Variants in GRIK4 observed in about 807,000 individuals in gnomAD.
GRIK4 encodes glutamate ionotropic receptor kainate type subunit 4.
GRIK4 carries 40 observed loss-of-function variants against 104.9 expected under a neutral mutation model. That is an observed-to-expected ratio of 0.38 (90% CI 0.30 to 0.50). GRIK4 has a LOEUF of 0.50. GRIK4 is among the 20% of genes least tolerant of loss of function. The probability of loss-of-function intolerance (pLI) is 0.93; values close to 1 mark genes in which losing one functional copy is unlikely to be tolerated. For missense variants in GRIK4, 1,047 were observed against 1,308.1 expected, an observed-to-expected ratio of 0.80 and a Z score of 3.08; for synonymous variants, 485 against 524.9, an observed-to-expected ratio of 0.92 and a Z score of 1.04.
At chr11:120,737,464 A>G (rs964621639) in intron 3 of GRIK4, among the ~76,000 whole-genome samples, 1 of 152,244 alleles carries the variant, frequency 6.6e-6, no homozygotes, top group African/African-American at 2.4e-5. Flanking sequence ...CTCAGAATCC[A>G]GCTGTCAATT....
At chr11:120,516,711 G>A (rs1947730035) in intron 1 of GRIK4, among the ~76,000 whole-genome samples, 1 of 152,162 alleles carries the variant, frequency 6.6e-6, no homozygotes, top group African/African-American at 2.4e-5. Flanking sequence ...AGAGCGCGCT[G>A]ACAGATTGGA....
intron 9 of GRIK4, among the ~76,000 whole-genome samples, chr11:120,863,724 C>G (rs951618227): frequency 6.6e-6 from 1 of 152,220 alleles, no homozygotes; most frequent in Non-Finnish European, 1.5e-5. Flanking sequence ...ATCTAGACAT[C>G]TATACACTTG....
rs144161600 is a variant in GRIK4, at chr11:120,807,293, T to G, written c.247+4436T>G. ...TTAGAGCTTAACTAAGCACCACCCT[T>G]TACCATTCAAACAACCTGAGGCTCC... On this transcript the variant is annotated intron_variant, in intron 4 of 20. Coordinates refer to ENST00000527524, the MANE Select transcript of GRIK4 (RefSeq NM_014619.5). Among the ~76,000 whole-genome samples, 319 of 152,222 alleles carry G rather than the reference T, an allele frequency of 2.1e-3. 1 individual carries two copies. Among genetic ancestry groups the G allele is most frequent in the African/African-American group, 7.4e-3 (308 of 41,512 alleles).
intron 13 of GRIK4, among the ~76,000 whole-genome samples, chr11:120,926,667 C>A (rs1943351941): frequency 6.6e-6 from 1 of 152,178 alleles, no homozygotes; most frequent in Non-Finnish European, 1.5e-5. Flanking sequence ...GTTAACTGAG[C>A]TCCTCTTTCT....
At chr11:120,984,618 T>C (rs554347042) in intron 20 of GRIK4, among the ~76,000 whole-genome samples, 3 of 151,816 alleles carry the variant, frequency 2.0e-5, no homozygotes, top group Non-Finnish European at 4.4e-5. Context: ...AAATACAAAA[T>C]TTAGCCGGGT....
intron 6 of GRIK4, among the ~76,000 whole-genome samples, chr11:120,820,783 C>A (rs966015377): frequency 5.3e-5 from 8 of 152,206 alleles, no homozygotes; most frequent in Non-Finnish European, 7.4e-5. Context: ...CCTTCTCAAG[C>A]CCTTCCTGCA....
At chr11:120,879,803 C>T (rs769114482) in intron 11 of GRIK4, among the ~76,000 whole-genome samples, 1 of 152,216 alleles carries the variant, frequency 6.6e-6, no homozygotes, top group Non-Finnish European at 1.5e-5. Context: ...ATCTCATATC[C>T]TCCCTTTTCA....
At chr11:120,602,088 G>A (rs1465900955) in intron 1 of GRIK4, among the ~76,000 whole-genome samples, 1 of 152,048 alleles carries the variant, frequency 6.6e-6, no homozygotes. Flanking sequence ...CCCCGGGGCT[G>A]CCTTCCCCGG....
intron 1 of GRIK4, among the ~76,000 whole-genome samples, chr11:120,526,657 A>G (rs929363045): frequency 7.3e-5 from 11 of 151,434 alleles, no homozygotes; most frequent in African/African-American, 2.7e-4. Flanking sequence ...ACATGGTGAA[A>G]CCCCATCTCC....
intron 6 of GRIK4, among the ~76,000 whole-genome samples, chr11:120,831,324 G>A (rs891308917): frequency 3.3e-5 from 5 of 152,340 alleles, no homozygotes; most frequent in East Asian, 1.9e-4. Context: ...TAATGTGTCC[G>A]AGGCTCGGGC....
intron 3 of GRIK4, among the ~76,000 whole-genome samples, chr11:120,678,723 C>CACCGGG (rs771483932): frequency 5.3e-5 from 8 of 151,950 alleles, no homozygotes; most frequent in Non-Finnish European, 1.0e-4. Context: ...AACCTCCACC[C>CACCGGG]ACCGGGTTCA....
chr11:120,908,343 A>T (rs1942914482), intron 13 of GRIK4, among the ~76,000 whole-genome samples: 1 of 152,160 alleles, frequency 6.6e-6, no homozygotes, highest in Non-Finnish European at 1.5e-5. Context: ...GCTTAAACAC[A>T]TTATTTTATC....
At chr11:120,775,605 C>A (rs1316338015) in intron 3 of GRIK4, among the ~76,000 whole-genome samples, 2 of 152,234 alleles carry the variant, frequency 1.3e-5, no homozygotes, top group Non-Finnish European at 2.9e-5. Context: ...TTACAGTGTA[C>A]TGATTAGGAT....
At chr11:120,963,543 A>T (rs895053935) in intron 18 of GRIK4, among the ~76,000 whole-genome samples, 5 of 152,182 alleles carry the variant, frequency 3.3e-5, no homozygotes, top group African/African-American at 1.2e-4. Flanking sequence ...TTGTGCTGGT[A>T]TGAGGGTGTT....
intron 13 of GRIK4, among the ~76,000 whole-genome samples, chr11:120,930,243 T>C (rs2134605085): frequency 6.6e-6 from 1 of 152,364 alleles, no homozygotes; most frequent in Admixed American, 6.5e-5. Flanking sequence ...AAAACAGGGC[T>C]AATGGCAGTT....
rs796898748 is a variant in GRIK4 at position 120,935,886 on chromosome 11, C to CA, written c.1477-4453dup. 2.1e-3 allele frequency among the ~76,000 whole-genome samples: 317 copies of CA among 151,718 alleles called. 4 individuals are homozygous for CA. Among genetic ancestry groups the CA allele is most frequent in the African/African-American group, 7.3e-3 (300 of 41,358 alleles). On this transcript the variant is annotated intron_variant, in intron 13 of 20. Transcript: ENST00000527524. ...CACATTCAGTAGTGTGTTAACTATA[C>CA]AAAAAAAAGACACTGTACAGTTAAA...
intron 4 of GRIK4, among the ~76,000 whole-genome samples, chr11:120,806,323 C>T (rs1045760333): frequency 6.6e-6 from 1 of 152,164 alleles, no homozygotes; most frequent in African/African-American, 2.4e-5. Flanking sequence ...GGATATTCCC[C>T]TTCTCCTTCC....
At chr11:120,604,412 G>A (rs1565570136) in intron 1 of GRIK4, among the ~76,000 whole-genome samples, 1 of 152,120 alleles carries the variant, frequency 6.6e-6, no homozygotes, top group African/African-American at 2.4e-5. Context: ...TCAGGAATGG[G>A]GAAGCACCGT....
chr11:120,622,996 G>A (rs1949208973), intron 1 of GRIK4, among the ~76,000 whole-genome samples: 1 of 152,144 alleles, frequency 6.6e-6, no homozygotes, highest in Non-Finnish European at 1.5e-5. Context: ...CATGTGGGTC[G>A]CCTTTTAACC....
Sources: allele counts gnomAD v4.1 joint callset (sites outside exome capture counted in the v4.1 genomes callset), GRCh38; gene constraint gnomAD v4.1.1; transcripts MANE v1.5; gene names NCBI Gene and HGNC (gene_info 2026-07-23, HGNC 2026-07-21).